Variants in THSD7A observed in about 807,000 individuals in gnomAD.
The protein encoded by THSD7A is thrombospondin type-1 domain-containing protein 7A.
THSD7A carries 96 observed loss-of-function variants against 231.3 expected under a neutral mutation model. The ratio of observed to expected loss-of-function variants is 0.41; its 90% CI spans 0.35 to 0.49. THSD7A has a LOEUF of 0.49. Among genes scored for constraint, THSD7A ranks in the 20% least tolerant of loss-of-function variants. The pLI is 0.05. For synonymous variants in THSD7A, 940 were observed against 743.3 expected (o/e 1.26, Z -4.30); for missense variants, 2,290 against 2,070.2 (o/e 1.11, Z -2.06).
chr7:11,786,691 G>A (rs906420288), intron 1 of THSD7A, among the ~76,000 whole-genome samples: 2 of 149,212 alleles, frequency 1.3e-5, no homozygotes, highest in African/African-American at 5.0e-5. Flanking sequence ...AAAAACTACT[G>A]TAGTATGGGT....
chr7:11,495,587 T>C (rs527593623), intron 6 of THSD7A, among the ~76,000 whole-genome samples: 10 of 152,236 alleles, frequency 6.6e-5, no homozygotes, highest in African/African-American at 2.4e-4. Flanking sequence ...CTGTATCTTC[T>C]AGCATCGTAT....
At chr7:11,378,560 T>G (rs7795707) in intron 26 of THSD7A, 10,116 of 156,880 alleles carry the variant, frequency 0.064, 996 homozygotes, top group African/African-American at 0.22. Context: ...CTAGTACAGA[T>G]TCCAAGTATT....
At position 11,661,565 on chromosome 7, in the gene THSD7A, C is replaced by G. The variant is rs543767186; in HGVS notation, c.191-24604G>C. 8.1e-4 allele frequency among the ~76,000 whole-genome samples: 122 copies of G among 150,922 alleles called. 1 individual carries two copies. The highest frequency in any genetic ancestry group is 2.8e-3 in the African/African-American group (116 of 41,352). On this transcript the variant is annotated intron_variant, in intron 1 of 27. Transcript: ENST00000423059. ...TAAAACACTGTAACTGAATTAAAAA[C>G]TTAACAAATAGGTTAAGCACCAAAA...
rs528450315 is a variant in THSD7A at position 11,659,422 on chromosome 7, G to A, written c.191-22461C>T. On this transcript the variant is annotated intron_variant, in intron 1 of 27. Coordinates refer to ENST00000423059, the MANE Select transcript of THSD7A (RefSeq NM_015204.3). ...TGTTAGCATGACCTATAAATTCTAC[G>A]ACGTTCTGACCTGTACTTCACTCTG... is the stretch of plus-strand genomic sequence containing the variant. Among the ~76,000 whole-genome samples, 31 of 151,500 alleles carry A rather than the reference G, an allele frequency of 2.0e-4. No individual in the cohort carries two copies. In the South Asian group the frequency reaches 5.8e-3, roughly 28 times the overall value.
chr7:11,587,753 C>T (rs1017872545), intron 4 of THSD7A, among the ~76,000 whole-genome samples: 1 of 152,154 alleles, frequency 6.6e-6, no homozygotes, highest in African/African-American at 2.4e-5. Flanking sequence ...GTTATTAATG[C>T]TTCCTGCCTT....
chr7:11,795,988 G>A (rs367585362), intron 1 of THSD7A, among the ~76,000 whole-genome samples: 26 of 146,640 alleles, frequency 1.8e-4, no homozygotes, highest in East Asian at 1.4e-3. Flanking sequence ...TCCTGTAACT[G>A]TGCTAAAACA....
chr7:11,594,561 G>A (rs771331227), intron 2 of THSD7A, among the ~76,000 whole-genome samples: 12 of 152,100 alleles, frequency 7.9e-5, no homozygotes, highest in African/African-American at 1.7e-4. Context: ...TGCTTGTGAA[G>A]GCAAGGAGTT....
At chr7:11,493,470 G>A (rs1325582573) in intron 6 of THSD7A, among the ~76,000 whole-genome samples, 1 of 152,010 alleles carries the variant, frequency 6.6e-6, no homozygotes, top group African/African-American at 2.4e-5. Flanking sequence ...GATGGACAGG[G>A]GAAGATATTA....
At chr7:11,751,623 C>T (rs145123404) in intron 1 of THSD7A, among the ~76,000 whole-genome samples, 1 of 151,962 alleles carries the variant, frequency 6.6e-6, no homozygotes. Context: ...CAGTGACCCA[C>T]CTGATCCCAT....
chr7:11,719,266 C>T (rs1296808260), intron 1 of THSD7A, among the ~76,000 whole-genome samples: 1 of 151,576 alleles, frequency 6.6e-6, no homozygotes, highest in African/African-American at 2.4e-5. Flanking sequence ...CTGTTTCCTC[C>T]CACCCTACGC....
At position 11,733,849 on chromosome 7, in the gene THSD7A, G is replaced by C. The variant is rs1007512431; in HGVS notation, c.191-96888C>G. Among the ~76,000 whole-genome samples, 5 of 151,832 alleles carry C rather than the reference G, an allele frequency of 3.3e-5. No individual in the cohort carries two copies. The South Asian group carries it at 1.0e-3, about 32-fold the overall frequency. ...AAAGATATTTTTCAGTTCATATTTA[G>C]AAAAAATTTATACATTGTTAATGAC... On this transcript the variant is annotated intron_variant, in intron 1 of 27. Coordinates refer to ENST00000423059, the MANE Select transcript of THSD7A (RefSeq NM_015204.3).
chr7:11,576,502 C>A (rs530457377), intron 4 of THSD7A, among the ~76,000 whole-genome samples: 3 of 152,116 alleles, frequency 2.0e-5, no homozygotes, highest in African/African-American at 4.8e-5. Flanking sequence ...AGAGTCACTG[C>A]GATTCATAGC....
At chr7:11,436,378 C>T (rs1304289818) in intron 13 of THSD7A, among the ~76,000 whole-genome samples, 1 of 152,058 alleles carries the variant, frequency 6.6e-6, no homozygotes, top group Non-Finnish European at 1.5e-5. Context: ...CACTAGTTTA[C>T]TGGATTCTAA....
At chr7:11,649,148 G>A (rs536314449) in intron 1 of THSD7A, among the ~76,000 whole-genome samples, 1 of 152,066 alleles carries the variant, frequency 6.6e-6, no homozygotes, top group East Asian at 1.9e-4. Context: ...TTCAGTCTGG[G>A]GGAAGCCATC....
rs1255838791 is a variant in THSD7A at position 11,636,013 on chromosome 7, C to G, written c.1022+117G>C. 1.3e-5 allele frequency: 12 copies of G among 917,516 alleles called. No homozygotes were observed. The East Asian group carries it at 3.1e-4, about 24-fold the overall frequency. 56.8% of individuals were successfully genotyped at this position (917,516 alleles called of 1,614,324 possible). On this transcript the variant is annotated intron_variant, in intron 2 of 27. Coordinates refer to ENST00000423059, the MANE Select transcript of THSD7A (RefSeq NM_015204.3). The surrounding 1 kb of genome is among the most constrained non-coding windows in gnomAD (Gnocchi z 10.0). The stretch of plus-strand genomic sequence containing the variant: ...TCAGAAGCCTTAAATTTGGGGGTAG[C>G]TCATCCTAGGTTGTGCCCCTACGTA...
chr7:11,648,234 C>T (rs1782356920), intron 1 of THSD7A, among the ~76,000 whole-genome samples: 1 of 152,018 alleles, frequency 6.6e-6, no homozygotes, highest in Non-Finnish European at 1.5e-5. Context: ...TCCTTTAGAG[C>T]CATAACAAGT....
chr7:11,695,076 G>A (rs1298913554), intron 1 of THSD7A, among the ~76,000 whole-genome samples: 1 of 151,458 alleles, frequency 6.6e-6, no homozygotes, highest in African/African-American at 2.4e-5. Context: ...CCAGTAAAGT[G>A]AGTAAATTTC....
At chr7:11,489,184 G>A (rs1171311298) in intron 6 of THSD7A, among the ~76,000 whole-genome samples, 3 of 151,998 alleles carry the variant, frequency 2.0e-5, no homozygotes, top group Non-Finnish European at 4.4e-5. Context: ...AATATTTGTT[G>A]GATGAGGGGA....
chr7:11,671,339 A>G (rs1470442982), intron 1 of THSD7A, among the ~76,000 whole-genome samples: 1 of 152,170 alleles, frequency 6.6e-6, no homozygotes, highest in African/African-American at 2.4e-5. Context: ...TTTCAGTCCC[A>G]GGCACAATTC....
Sources: allele counts gnomAD v4.1 joint callset (sites outside exome capture counted in the v4.1 genomes callset), GRCh38; gene constraint gnomAD v4.1.1; non-coding constraint Gnocchi (gnomAD v3.1); transcripts MANE v1.5; gene names NCBI Gene and HGNC (gene_info 2026-07-23, HGNC 2026-07-21).